The following CNTLN variants were observed in gnomAD, a reference collection of about 807,000 sequenced individuals.
CNTLN encodes centlein, centrosomal protein.
CNTLN carries 212 observed loss-of-function variants against 180.0 expected under a neutral mutation model. The observed-to-expected ratio is 1.18, with a 90% CI of 1.05 to 1.32. The LOEUF is 1.32. Among genes scored for constraint, CNTLN ranks in the 40% most tolerant of loss-of-function variants. CNTLN has a pLI of 0.00. For missense variants in CNTLN, 2,095 were observed against 1,610.9 expected (o/e 1.30, Z -5.14); for synonymous variants, 722 against 563.1 (o/e 1.28, Z -3.99).
At position 17,394,936 on chromosome 9, in the gene CNTLN, G is replaced by C. The variant is rs1235660575; in HGVS notation, c.2482G>C (p.Val828Leu). 2.5e-6 allele frequency: 4 copies of C among 1,614,028 alleles called. No individual in the cohort carries two copies. Among genetic ancestry groups the C allele is most frequent in the Non-Finnish European group, 2.5e-6 (3 of 1,179,964 alleles). Residue 828 changes from valine to leucine, a missense_variant, in exon 15 of 26, where the codon GTT (valine) becomes CTT (leucine). Transcript: ENST00000380647. ...RYDCKTTMTK[V>L]KFKAAKKNCS... The stretch of plus-strand genomic sequence containing the variant: ...TGATTGTAAGACAACTATGACCAAG[G>C]TTAAATTTAAAGCTGCGAAGAAAAA...
chr9:17,402,219 C>T (rs986673172), intron 15 of CNTLN, among the ~76,000 whole-genome samples: 2 of 151,704 alleles, frequency 1.3e-5, no homozygotes, highest in Non-Finnish European at 2.9e-5. Flanking sequence ...TTCCACAAAT[C>T]CCCCATCAAA....
At chr9:17,352,613 C>T (rs1822475146) in intron 12 of CNTLN, among the ~76,000 whole-genome samples, 1 of 152,034 alleles carries the variant, frequency 6.6e-6, no homozygotes, top group Non-Finnish European at 1.5e-5. Flanking sequence ...GCATTTAGTG[C>T]ATTCACAGTG....
intron 5 of CNTLN, among the ~76,000 whole-genome samples, chr9:17,259,744 T>G (rs1379946411): frequency 1.3e-5 from 2 of 150,236 alleles, no homozygotes; most frequent in Admixed American, 1.3e-4. Context: ...TTCTTCTAGA[T>G]TTTCTAGTTT....
intron 6 of CNTLN, among the ~76,000 whole-genome samples, chr9:17,297,472 C>T (rs969987142): frequency 5.9e-5 from 9 of 152,158 alleles, no homozygotes; most frequent in African/African-American, 1.9e-4. Context: ...CTGTATCACA[C>T]AGGATTCACA....
chr9:17,475,838 A>C (rs1208124381), intron 23 of CNTLN, among the ~76,000 whole-genome samples: 1 of 147,848 alleles, frequency 6.8e-6, no homozygotes, highest in Admixed American at 6.9e-5. Flanking sequence ...GCGCCACTGC[A>C]CTCCAGCCTG....
intron 8 of CNTLN, among the ~76,000 whole-genome samples, chr9:17,321,175 A>G (rs1040855524): frequency 4.6e-5 from 7 of 152,166 alleles, no homozygotes; most frequent in African/African-American, 1.4e-4. Context: ...CTTTAAATAT[A>G]TGTTAGGGAA....
rs1013673367 is a variant in CNTLN, at chr9:17,384,575, A to T, written c.1988-3587A>T. Among the ~76,000 whole-genome samples, 3 of 151,986 alleles carry T rather than the reference A, an allele frequency of 2.0e-5. No homozygotes were observed. In the South Asian group the frequency reaches 6.2e-4, roughly 32 times the overall value. ...TCAGAAACAGGATTTATTTCTTGCC[A>T]TTTCATTCATCAGAAATGGGACTTC... On this transcript the variant is annotated intron_variant, in intron 13 of 25. Transcript: ENST00000380647.
the CNTLN span, among the ~76,000 whole-genome samples, chr9:17,525,948 T>G: frequency 6.6e-6 from 1 of 152,200 alleles, no homozygotes; most frequent in Non-Finnish European, 1.5e-5. Context: ...TATTTTTATT[T>G]TTTTTGAGAC....
chr9:17,475,681 G>A (rs2134262045), intron 23 of CNTLN, among the ~76,000 whole-genome samples: 1 of 152,064 alleles, frequency 6.6e-6, no homozygotes, highest in East Asian at 1.9e-4. Context: ...GACCATCCTG[G>A]CTAACATGGT....
intron 2 of CNTLN, chr9:17,168,185 G>A (rs764726605): frequency 6.6e-6 from 1 of 152,162 alleles, no homozygotes; most frequent in Admixed American, 6.5e-5. Context: ...TTGATTCTAT[G>A]TGTTGGTTAG....
chr9:17,154,909 C>A (rs1308116982), intron 2 of CNTLN, among the ~76,000 whole-genome samples: 1 of 152,196 alleles, frequency 6.6e-6, no homozygotes, highest in Non-Finnish European at 1.5e-5. Context: ...TTGCTCTTCA[C>A]AATAAATCTT....
chr9:17,452,578 A>G (rs16935663), intron 18 of CNTLN, among the ~76,000 whole-genome samples: 7,802 of 152,264 alleles, frequency 0.051, 690 homozygotes, highest in African/African-American at 0.18. Flanking sequence ...TTATTGTTAC[A>G]TATTTCTGGA....
At chr9:17,507,554 A>C (rs1334237323), downstream of CNTLN, among the ~76,000 whole-genome samples, 2 of 152,176 alleles carry the variant, frequency 1.3e-5, no homozygotes, top group South Asian at 2.1e-4. Context: ...TTTTAGTTCG[A>C]AGAGTTGCTA....
chr9:17,401,395 G>A (rs867737578), intron 15 of CNTLN, among the ~76,000 whole-genome samples: 4 of 150,824 alleles, frequency 2.7e-5, no homozygotes, highest in Non-Finnish European at 4.4e-5. Flanking sequence ...TTTTAATGAC[G>A]TGGAGTCAAG....
intron 12 of CNTLN, among the ~76,000 whole-genome samples, chr9:17,365,594 C>T (rs1823751767): frequency 6.6e-6 from 1 of 151,790 alleles, no homozygotes; most frequent in Non-Finnish European, 1.5e-5. Context: ...TAGGAATTTA[C>T]CATTCTTGTT....
intron 2 of CNTLN, among the ~76,000 whole-genome samples, chr9:17,223,959 A>T (rs1824306005): frequency 6.6e-6 from 1 of 151,998 alleles, no homozygotes; most frequent in South Asian, 2.1e-4. Flanking sequence ...TCTTGCTACT[A>T]GTTCCATGAC....
intron 7 of CNTLN, among the ~76,000 whole-genome samples, chr9:17,305,767 C>T (rs991140568): frequency 3.9e-5 from 6 of 152,158 alleles, no homozygotes; most frequent in African/African-American, 1.4e-4. Flanking sequence ...GGCTGGAGGA[C>T]TATCTTTGCT....
At chr9:17,267,756 C>G (rs1233985270) in intron 5 of CNTLN, among the ~76,000 whole-genome samples, 1 of 152,140 alleles carries the variant, frequency 6.6e-6, no homozygotes, top group Non-Finnish European at 1.5e-5. Context: ...TCTTTTTTCT[C>G]TAAACTTCTC....
chr9:17,170,406 T>C (rs553562714), intron 2 of CNTLN, among the ~76,000 whole-genome samples: 1 of 152,100 alleles, frequency 6.6e-6, no homozygotes, highest in Non-Finnish European at 1.5e-5. Context: ...TTGCTTTGGG[T>C]AGGACTTCCA....
Sources: allele counts gnomAD v4.1 joint callset (sites outside exome capture counted in the v4.1 genomes callset), GRCh38; gene constraint gnomAD v4.1.1; transcripts MANE v1.5; gene names NCBI Gene and HGNC (gene_info 2026-07-23, HGNC 2026-07-21).